The following STARD13 variants were observed in gnomAD, a reference collection of about 807,000 sequenced individuals.
STARD13 encodes the protein StAR related lipid transfer domain containing 13, also known as stAR-related lipid transfer protein 13.
STARD13 carries 62 observed loss-of-function variants against 106.4 expected under a neutral mutation model. The ratio of observed to expected loss-of-function variants is 0.58; its 90% CI spans 0.48 to 0.72. The LOEUF (loss-of-function observed/expected upper bound fraction) is 0.72. Ranked by LOEUF, STARD13 falls within the 30% of genes least tolerant of loss-of-function variation. STARD13 has a pLI of 0.00. For synonymous variants in STARD13, 565 were observed against 553.0 expected (o/e 1.02, Z -0.31); for missense variants, 1,387 against 1,424.0 (o/e 0.97, Z 0.42).
chr13:33,479,123 A>G, the STARD13 span, among the ~76,000 whole-genome samples: 1 of 152,220 alleles, frequency 6.6e-6, no homozygotes, highest in Admixed American at 6.5e-5. Context: ...TGGCATTTAA[A>G]CATATGAAAA....
At chr13:33,125,587 C>T (rs1877031955) in intron 7 of STARD13, among the ~76,000 whole-genome samples, 1 of 151,436 alleles carries the variant, frequency 6.6e-6, no homozygotes, top group Non-Finnish European at 1.5e-5. Context: ...TTTACTTGCA[C>T]ATTTTTAAAA....
chr13:33,332,979 C>T (rs1301479061), intron 1 of STARD13, among the ~76,000 whole-genome samples: 1 of 151,974 alleles, frequency 6.6e-6, no homozygotes, highest in Non-Finnish European at 1.5e-5. Context: ...TGGGAAATTA[C>T]TCAAGAAATT....
chr13:33,346,806 ATT>A (rs796619597), downstream of STARD13, among the ~76,000 whole-genome samples: 2 of 140,966 alleles, frequency 1.4e-5, no homozygotes, highest in Non-Finnish European at 1.6e-5. Flanking sequence ...ATTTTTTTGT[ATT>A]TTTTTTTTTT....
chr13:33,609,085 C>CAAAAAAAAAAAA, the STARD13 span, among the ~76,000 whole-genome samples: 9 of 50,578 alleles, frequency 1.8e-4, no homozygotes, highest in African/African-American at 7.7e-4. Flanking sequence ...GACTCCGTCT[C>CAAAAAAAAAAAA]AAAAAAAAAA....
At chr13:33,397,806 G>C in the STARD13 span, among the ~76,000 whole-genome samples, 14 of 152,290 alleles carry the variant, frequency 9.2e-5, no homozygotes, top group Non-Finnish European at 1.6e-4. Context: ...GGCAATCTAA[G>C]ATCAAGATAA....
the STARD13 span, among the ~76,000 whole-genome samples, chr13:33,402,690 G>A: frequency 6.6e-6 from 1 of 152,238 alleles, no homozygotes; most frequent in Non-Finnish European, 1.5e-5. Context: ...AGCAGATAAG[G>A]AGATGAGGAG....
intron 1 of STARD13, among the ~76,000 whole-genome samples, chr13:33,245,859 C>A (rs1889798946): frequency 6.6e-6 from 1 of 152,098 alleles, no homozygotes; most frequent in African/African-American, 2.4e-5. Context: ...CTCCCCCAAC[C>A]TTTTTTGTAA....
the STARD13 span, among the ~76,000 whole-genome samples, chr13:33,570,300 A>T: frequency 6.8e-6 from 1 of 147,626 alleles, no homozygotes; most frequent in African/African-American, 2.5e-5. Context: ...TGGGGATTTG[A>T]TTTTTCTATC....
chr13:33,108,185 A>C (rs1487984211), intron 12 of STARD13, among the ~76,000 whole-genome samples: 1 of 152,216 alleles, frequency 6.6e-6, no homozygotes, highest in Non-Finnish European at 1.5e-5. Context: ...CAAATGCAGC[A>C]ATCCTGAAAG....
At chr13:33,403,398 T>A in the STARD13 span, among the ~76,000 whole-genome samples, 7 of 152,194 alleles carry the variant, frequency 4.6e-5, no homozygotes, top group Non-Finnish European at 1.5e-5. Context: ...CTAAACTAAT[T>A]GTTTTTAGGT....
At chr13:33,366,484 T>C in the STARD13 span, among the ~76,000 whole-genome samples, 3 of 152,230 alleles carry the variant, frequency 2.0e-5, no homozygotes, top group Non-Finnish European at 4.4e-5. This position sits in a 1 kb window ranked among gnomAD's most constrained non-coding sequence, Gnocchi z 4.2. Context: ...AGTTCTTTTA[T>C]TATTTCTAAT....
At chr13:33,145,155 C>T (rs1880358908) in intron 3 of STARD13, among the ~76,000 whole-genome samples, 1 of 152,162 alleles carries the variant, frequency 6.6e-6, no homozygotes, top group African/African-American at 2.4e-5. Flanking sequence ...ATATACAGAA[C>T]ACCTAAAGAA....
chr13:33,481,217 T>C, the STARD13 span, among the ~76,000 whole-genome samples: 1 of 152,084 alleles, frequency 6.6e-6, no homozygotes, highest in Non-Finnish European at 1.5e-5. Flanking sequence ...GGAGAAGTTA[T>C]TAAATTTAGA....
chr13:33,604,027 G>A, the STARD13 span, among the ~76,000 whole-genome samples: 3 of 152,028 alleles, frequency 2.0e-5, no homozygotes, highest in African/African-American at 7.2e-5. Context: ...GATTAAAATA[G>A]GTAGATAAAA....
chr13:33,107,296 C>T (rs1390667911), intron 12 of STARD13, among the ~76,000 whole-genome samples: 1 of 152,124 alleles, frequency 6.6e-6, no homozygotes, highest in East Asian at 1.9e-4. Flanking sequence ...ATCAATTAAG[C>T]AGATAGACAT....
chr13:33,349,526 C>G (rs979196652), intron 1 of STARD13, among the ~76,000 whole-genome samples: 2 of 152,204 alleles, frequency 1.3e-5, no homozygotes, highest in East Asian at 1.9e-4. Context: ...ACAGAAGCAG[C>G]AAGGGGCAGT....
intron 1 of STARD13, among the ~76,000 whole-genome samples, chr13:33,271,809 G>A (rs1279469864): frequency 1.3e-5 from 2 of 148,390 alleles, no homozygotes; most frequent in Non-Finnish European, 3.0e-5. Flanking sequence ...ATAATGATGG[G>A]AAAAAAAAAG....
the STARD13 span, among the ~76,000 whole-genome samples, chr13:33,514,778 T>C: frequency 1.3e-5 from 2 of 151,664 alleles, no homozygotes; most frequent in African/African-American, 4.8e-5. Flanking sequence ...TTCCAAACAG[T>C]CATAACAAAC....
rs1437858105 is a variant in STARD13 at position 33,141,926 on chromosome 13, TCA to T, written c.387+382_387+383del. Among the ~76,000 whole-genome samples, 10 of 152,338 alleles carry T rather than the reference TCA, an allele frequency of 6.6e-5. No individual in the cohort carries two copies. In the South Asian group the frequency reaches 1.7e-3, roughly 25 times the overall value. ...AAATGAAAGGTAAAACAAATAGATT[TCA>T]GTCTTAGTTTATAATAGACTTATTT... On this transcript the variant is annotated intron_variant, in intron 4 of 13. Coordinates refer to ENST00000336934, the MANE Select transcript of STARD13 (RefSeq NM_178006.4).
Sources: gnomAD v4.1 joint callset for allele counts (sites outside exome capture counted in the v4.1 genomes callset) on GRCh38, gnomAD v4.1.1 for gene constraint, Gnocchi (gnomAD v3.1) non-coding constraint, MANE v1.5 for transcripts, NCBI Gene and HGNC (gene_info 2026-07-23, HGNC 2026-07-21) for gene names.